The following NR4A3 variants were observed in gnomAD, a reference collection of about 807,000 sequenced individuals.
NR4A3 encodes the protein nuclear receptor subfamily 4 group A member 3.
A neutral mutation model predicts 55.6 loss-of-function variants in NR4A3; 13 were observed. The observed-to-expected ratio is 0.23, with a 90% CI of 0.15 to 0.37. NR4A3 has a LOEUF of 0.37. NR4A3 is among the 10% of genes least tolerant of loss of function. The pLI is 1.00. For synonymous variants in NR4A3, 342 were observed against 357.9 expected (o/e 0.96, Z 0.50); for missense variants, 646 against 822.8 (o/e 0.79, Z 2.63).
intron 5 of NR4A3, among the ~76,000 whole-genome samples, chr9:99,842,468 C>A (rs138378965): frequency 1.3e-5 from 2 of 152,118 alleles, no homozygotes; most frequent in Non-Finnish European, 2.9e-5. Context: ...CGGTGGCTCA[C>A]GCCTGTAATC....
At chr9:99,853,346 A>G (rs1429535014) in intron 7 of NR4A3, among the ~76,000 whole-genome samples, 1 of 100,874 alleles carries the variant, frequency 9.9e-6, no homozygotes, top group African/African-American at 3.8e-5. Flanking sequence ...TTTTTATTAT[A>G]CTCTAAGTTT....
rs1453497489 is a variant in NR4A3, at chr9:99,864,590, G to A, written c.*723G>A. 15 of 228,444 alleles carry A rather than the reference G, an allele frequency of 6.6e-5. No individual in the cohort carries two copies. The Admixed American group carries it at 8.5e-4, about 13-fold the overall frequency. 14.2% of individuals were successfully genotyped at this position (228,444 alleles called of 1,614,324 possible). A position where few individuals can be genotyped will look rare whatever the true frequency, so the allele number is the denominator to read the frequency against. On this transcript the variant is annotated 3_prime_UTR_variant, in exon 8 of 8. Transcript: ENST00000395097. ...ATGACACGTTAATATCCCTAGCAGA[G>A]GCTGTGTTCACCTTCCCTGTCGATC... is the stretch of plus-strand genomic sequence containing the variant.
At chr9:99,857,445 T>G (rs1466606601) in intron 7 of NR4A3, among the ~76,000 whole-genome samples, 1 of 152,144 alleles carries the variant, frequency 6.6e-6, no homozygotes, top group African/African-American at 2.4e-5. Flanking sequence ...GCTACCATTA[T>G]TAGCACCATT....
intron 7 of NR4A3, among the ~76,000 whole-genome samples, chr9:99,861,243 G>C (rs1210177091): frequency 6.6e-6 from 1 of 152,244 alleles, no homozygotes; most frequent in African/African-American, 2.4e-5. Flanking sequence ...TATCAGGCCA[G>C]GTGCAGTGGT....
intron 5 of NR4A3, among the ~76,000 whole-genome samples, chr9:99,837,790 C>T (rs1438078649): frequency 2.6e-5 from 4 of 152,152 alleles, no homozygotes; most frequent in Non-Finnish European, 5.9e-5. Flanking sequence ...CCCAGTGAGT[C>T]AGGTCAATAG....
Position 99,828,392 on chromosome 9 carries a change from T to C in NR4A3, c.350T>C (p.Ile117Thr). 6.3e-7 allele frequency: 1 copy of C among 1,589,696 alleles called. No individual in the cohort carries two copies. The highest frequency in any genetic ancestry group is 8.6e-7 in the Non-Finnish European group (1 of 1,167,788). Residue 117 changes from isoleucine (I) to threonine (T), a missense_variant, in exon 3 of 8, where the codon ATT becomes ACT. This residue lies in a region of NR4A3 where 426 missense variants were observed against 429.4 expected (regional missense o/e 0.99). Transcript: ENST00000395097. The surrounding 1 kb of genome is among the most constrained non-coding windows in gnomAD (Gnocchi z 7.7). The stretch of plus-strand genomic sequence containing the variant: ...CAGCAGCAGCATCAGCAGCCATCCA[T>C]TCCTCCAGCCTCCAGCCCGGAGGAC... ...HHQQQHQQPS[I>T]PPASSPEDEV...
At chr9:99,829,025 C>G in intron 3 of NR4A3, 32 bp downstream of exon 3, 1 of 1,308,726 alleles carries the variant, frequency 7.6e-7, no homozygotes, top group Non-Finnish European at 9.7e-7. Flanking sequence ...CCCTCCGCAC[C>G]CAGCCCCCTC....
chr9:99,824,547 G>C (rs1827255560), intron 1 of NR4A3, among the ~76,000 whole-genome samples: 1 of 152,186 alleles, frequency 6.6e-6, no homozygotes, highest in Non-Finnish European at 1.5e-5. Context: ...TTTCCTGGTC[G>C]TCGAGGGTTT....
In NR4A3 at chr9:99,844,812, C is replaced by G. The variant is rs955839127; in HGVS notation, c.1418C>G (p.Ala473Gly). The G allele has an allele frequency of 1.2e-6, 2 of 1,614,036 alleles. No homozygotes were observed. Among genetic ancestry groups the G allele is most frequent in the Non-Finnish European group, 1.7e-6 (2 of 1,180,002 alleles). ...KEDQTLLIES[A>G]FLELFVLRLS... ...GATCAGACATTACTTATTGAATCAGCCTTTTTGGAGCTGTTTGTCCTCAGA... is the reference window on the plus strand; with the variant it reads ...GATCAGACATTACTTATTGAATCAGGCTTTTTGGAGCTGTTTGTCCTCAGA... The change falls in exon 6 of 8, where the codon GCC (alanine) becomes GGC (glycine). Residue 473 changes from alanine (A) to glycine (G), a missense_variant. Physicochemically the swap from Ala to Gly is moderately conservative, Grantham distance 60. Around this residue, in one of 5 missense-constraint regions of NR4A3, gnomAD observed 163 missense variants for 233.0 expected, o/e 0.70. Coordinates refer to ENST00000395097, the MANE Select transcript of NR4A3 (RefSeq NM_006981.4).
chr9:99,829,229 G>T (rs371273879), intron 3 of NR4A3, among the ~76,000 whole-genome samples: 209 of 152,336 alleles, frequency 1.4e-3, no homozygotes, highest in African/African-American at 4.6e-3. Context: ...CTCCTGGCCT[G>T]ACACTGCCCT....
chr9:99,834,704 G>T, intron 5 of NR4A3: 5 of 692,680 alleles, frequency 7.2e-6, no homozygotes, highest in Non-Finnish European at 8.9e-6. Context: ...AGGTTGCAGT[G>T]TTGATAGAAA....
In NR4A3 at chr9:99,828,131, T is replaced by A; in HGVS notation, c.89T>A (p.Ile30Asn). 1 of 1,613,844 alleles carries A rather than the reference T, an allele frequency of 6.2e-7. No individual in the cohort carries two copies. The highest frequency in any genetic ancestry group is 8.5e-7 in the Non-Finnish European group (1 of 1,179,970). Reference protein sequence around the residue: ...QTYSSEYTTEIMNPDYTKLTM... With the variant: ...QTYSSEYTTENMNPDYTKLTM... Reference sequence around the variant, plus strand: ...TACAGCTCGGAATACACCACGGAGATCATGAACCCCGACTACACCAAGCTG... The same window carrying A: ...TACAGCTCGGAATACACCACGGAGAACATGAACCCCGACTACACCAAGCTG... The change falls in exon 3 of 8, where the codon ATC becomes AAC. Residue 30 changes from isoleucine to asparagine, a missense_variant. Ile to Asn is a moderately radical substitution (Grantham distance 149). Around this residue, in one of 5 missense-constraint regions of NR4A3, gnomAD observed 426 missense variants for 429.4 expected, o/e 0.99. Coordinates refer to ENST00000395097, the MANE Select transcript of NR4A3 (RefSeq NM_006981.4). The surrounding 1 kb of genome is among the most constrained non-coding windows in gnomAD (Gnocchi z 7.7).
In NR4A3 at chr9:99,851,428, A is replaced by G. The variant is rs763123388; in HGVS notation, c.1633+3813A>G. 6.6e-5 allele frequency among the ~76,000 whole-genome samples: 10 copies of G among 152,164 alleles called. 1 individual carries two copies. The highest frequency in any genetic ancestry group is 1.2e-4 in the Non-Finnish European group (8 of 68,042). ...TCATCCCAAAACTGTCTTTTCTTAAACCACAGAGAGCTCATGAAAAGGAAA... is the reference window on the plus strand; with the variant it reads ...TCATCCCAAAACTGTCTTTTCTTAAGCCACAGAGAGCTCATGAAAAGGAAA... On this transcript the variant is annotated intron_variant, in intron 7 of 7. Coordinates refer to ENST00000395097, the MANE Select transcript of NR4A3 (RefSeq NM_006981.4).
At chr9:99,863,474 T>G in intron 7 of NR4A3, 146 bp from the exon 8 acceptor site, 36 of 889,738 alleles carry the variant, frequency 4.0e-5, no homozygotes, top group Non-Finnish European at 5.8e-5. Context: ...CCAAAGGCCA[T>G]GAGCTATCTC....
At chr9:99,841,953 G>C (rs1177031673) in intron 5 of NR4A3, among the ~76,000 whole-genome samples, 1 of 152,102 alleles carries the variant, frequency 6.6e-6, no homozygotes, top group South Asian at 2.1e-4. Flanking sequence ...CTGAGGAACA[G>C]AGCGAGACCC....
At chr9:99,824,964 T>TC (rs968201302) in intron 1 of NR4A3, among the ~76,000 whole-genome samples, 1 of 152,152 alleles carries the variant, frequency 6.6e-6, no homozygotes, top group Non-Finnish European at 1.5e-5. Context: ...CCTCCGCTCG[T>TC]CCCATCAGCC....
chr9:99,832,928 T>C, intron 4 of NR4A3, 110 bp downstream of exon 4: 1 of 939,908 alleles, frequency 1.1e-6, no homozygotes, highest in South Asian at 2.5e-5. Context: ...TCCTTTTTCC[T>C]TTCAACATTT....
intron 7 of NR4A3, among the ~76,000 whole-genome samples, chr9:99,862,954 G>A (rs1007179221): frequency 1.3e-5 from 2 of 152,144 alleles, no homozygotes; most frequent in Non-Finnish European, 2.9e-5. Context: ...AGTGCCAGGT[G>A]TAGGTCAACA....
At chr9:99,846,483 A>C (rs1368448596) in intron 6 of NR4A3, among the ~76,000 whole-genome samples, 1 of 152,226 alleles carries the variant, frequency 6.6e-6, no homozygotes, top group Non-Finnish European at 1.5e-5. Context: ...TGAAAGAAGA[A>C]TGAGATGATG....
Sources: gnomAD v4.1 joint callset for allele counts (sites outside exome capture counted in the v4.1 genomes callset) on GRCh38, gnomAD v4.1.1 for gene constraint, gnomAD v4.1.1 regional missense constraint, Gnocchi (gnomAD v3.1) non-coding constraint, MANE v1.5 for transcripts, NCBI Gene and HGNC (gene_info 2026-07-23, HGNC 2026-07-21) for gene names.